The following ZMAT4 variants were observed in gnomAD, a reference collection of about 807,000 sequenced individuals.
The protein encoded by ZMAT4 is zinc finger matrin-type 4.
Under a neutral mutation model 28.7 loss-of-function variants are expected in ZMAT4, and 17 were observed. The ratio of observed to expected loss-of-function variants is 0.59; its 90% CI spans 0.41 to 0.89. ZMAT4 has a LOEUF of 0.89. Ranked by LOEUF, ZMAT4 falls within the 40% of genes least tolerant of loss-of-function variation. The probability of loss-of-function intolerance (pLI) is 0.00; values close to 1 mark genes in which losing one functional copy is unlikely to be tolerated. For missense variants in ZMAT4, 240 were observed against 283.8 expected, an observed-to-expected ratio of 0.85 and a Z score of 1.11; for synonymous variants, 117 against 109.2, an observed-to-expected ratio of 1.07 and a Z score of -0.44.
intron 5 of ZMAT4, among the ~76,000 whole-genome samples, chr8:40,628,773 T>C (rs1414431047): frequency 6.6e-6 from 1 of 152,134 alleles, no homozygotes; most frequent in Admixed American, 6.5e-5. Flanking sequence ...GATTTTTACT[T>C]CCAACATCAC....
chr8:40,698,965 C>A (rs1007689039), intron 3 of ZMAT4, among the ~76,000 whole-genome samples: 1 of 151,980 alleles, frequency 6.6e-6, no homozygotes, highest in Non-Finnish European at 1.5e-5. Context: ...AATACTCTCG[C>A]TGAGGGTTTA....
chr8:40,570,351 C>A (rs1015865508), intron 6 of ZMAT4, among the ~76,000 whole-genome samples: 3 of 152,250 alleles, frequency 2.0e-5, no homozygotes, highest in Non-Finnish European at 4.4e-5. Context: ...AATTGTATAA[C>A]TGAAATCTGT....
chr8:40,833,084 C>T (rs144193484), intron 1 of ZMAT4, among the ~76,000 whole-genome samples: 24 of 152,106 alleles, frequency 1.6e-4, no homozygotes, highest in African/African-American at 5.6e-4. Flanking sequence ...AGGAGGCAAG[C>T]GGGTGGTTTT....
chr8:40,783,907 A>G (rs533612608), intron 2 of ZMAT4, among the ~76,000 whole-genome samples: 4 of 152,308 alleles, frequency 2.6e-5, no homozygotes, highest in Admixed American at 2.6e-4. Context: ...GCTACTTGGG[A>G]GGTTGAGGCA....
chr8:40,772,793 G>T (rs1395953997), intron 2 of ZMAT4, among the ~76,000 whole-genome samples: 2 of 152,212 alleles, frequency 1.3e-5, no homozygotes, highest in Non-Finnish European at 2.9e-5. Context: ...CAATAAAACA[G>T]GAAAACCTGG....
chr8:40,801,351 A>AAAATATATAT (rs370796453), intron 2 of ZMAT4, among the ~76,000 whole-genome samples: 2 of 97,258 alleles, frequency 2.1e-5, no homozygotes, highest in African/African-American at 7.4e-5. Flanking sequence ...TAAAAAAAAA[A>AAAATATATAT]ATATATATAT....
intron 5 of ZMAT4, among the ~76,000 whole-genome samples, chr8:40,617,030 A>G (rs1021277974): frequency 4.6e-5 from 7 of 152,290 alleles, no homozygotes; most frequent in Non-Finnish European, 5.9e-5. Context: ...TCAAGAAAAA[A>G]TATCTCAGCT....
At chr8:40,686,519 T>G (rs749694227) in intron 4 of ZMAT4, among the ~76,000 whole-genome samples, 36 of 151,944 alleles carry the variant, frequency 2.4e-4, no homozygotes, top group Admixed American at 1.8e-3. Context: ...CTGTAGTCCC[T>G]GCTACTCGGG....
At chr8:40,881,425 A>AAGAAAGAG (rs1471989991) in intron 1 of ZMAT4, among the ~76,000 whole-genome samples, 1 of 116,376 alleles carries the variant, frequency 8.6e-6, no homozygotes, top group East Asian at 2.7e-4. Flanking sequence ...GAAGAAAAAG[A>AAGAAAGAG]AGAAAGAGAG....
At chr8:40,587,799 A>G (rs1025559366) in intron 5 of ZMAT4, among the ~76,000 whole-genome samples, 7 of 152,094 alleles carry the variant, frequency 4.6e-5, no homozygotes, top group Non-Finnish European at 7.4e-5. Context: ...AAATGAATTA[A>G]ATAGTCAAAA....
chr8:40,840,675 C>G (rs1159694281), intron 1 of ZMAT4, among the ~76,000 whole-genome samples: 1 of 152,146 alleles, frequency 6.6e-6, no homozygotes, highest in Admixed American at 6.5e-5. Flanking sequence ...GTCTGAGTAG[C>G]ATTTATGCAG....
At chr8:40,548,204 G>T (rs954819134) in intron 6 of ZMAT4, among the ~76,000 whole-genome samples, 3 of 152,144 alleles carry the variant, frequency 2.0e-5, no homozygotes, top group Non-Finnish European at 4.4e-5. Context: ...ACACTTTTAT[G>T]CTGAACAAGA....
intron 4 of ZMAT4, among the ~76,000 whole-genome samples, chr8:40,676,325 A>C (rs2150474901): frequency 6.6e-6 from 1 of 152,286 alleles, no homozygotes; most frequent in Non-Finnish European, 1.5e-5. Flanking sequence ...GATTTCATTA[A>C]ATTTTGGAAA....
At chr8:40,794,591 C>G (rs34249537) in intron 2 of ZMAT4, among the ~76,000 whole-genome samples, 21,245 of 152,152 alleles carry the variant, frequency 0.14, 1,925 homozygotes, top group Non-Finnish European at 0.2. Context: ...AGAAATGAAG[C>G]CCAACAGCAG....
chr8:40,598,935 G>A (rs187928664), intron 5 of ZMAT4, among the ~76,000 whole-genome samples: 70 of 152,232 alleles, frequency 4.6e-4, no homozygotes, highest in African/African-American at 1.7e-3. Context: ...GGGTGGTGGA[G>A]GAGGAGTTTG....
intron 5 of ZMAT4, among the ~76,000 whole-genome samples, chr8:40,642,031 A>AT (rs1328445387): frequency 6.6e-6 from 1 of 152,214 alleles, no homozygotes; most frequent in African/African-American, 2.4e-5. Context: ...TTTTAAAGAT[A>AT]TTTAAACCTG....
chr8:40,837,416 A>T (rs563684172), intron 1 of ZMAT4, among the ~76,000 whole-genome samples: 3 of 152,188 alleles, frequency 2.0e-5, no homozygotes, highest in South Asian at 4.2e-4. Flanking sequence ...TGGGAACTAA[A>T]CCTCTAAGGC....
At chr8:40,573,925 C>T (rs962274244) in intron 6 of ZMAT4, among the ~76,000 whole-genome samples, 5 of 152,208 alleles carry the variant, frequency 3.3e-5, no homozygotes, top group African/African-American at 9.6e-5. Flanking sequence ...ATTCAGTGCT[C>T]TTTACACCAC....
chr8:40,804,097 G>A (rs1814973259), intron 2 of ZMAT4, among the ~76,000 whole-genome samples: 1 of 152,198 alleles, frequency 6.6e-6, no homozygotes, highest in South Asian at 2.1e-4. Flanking sequence ...GGGATGAACA[G>A]ACAGAACACA....
Sources: gnomAD v4.1 joint callset for allele counts (sites outside exome capture counted in the v4.1 genomes callset) on GRCh38, gnomAD v4.1.1 for gene constraint, MANE v1.5 for transcripts, NCBI Gene and HGNC (gene_info 2026-07-23, HGNC 2026-07-21) for gene names.